TMPRSS7: variants seen among roughly 807,000 people sequenced by gnomAD.
The protein encoded by TMPRSS7 is transmembrane serine protease 7, also known as transmembrane protease serine 7.
In TMPRSS7, 81 loss-of-function variants were observed where a neutral mutation model predicts 95.6. The observed-to-expected ratio is 0.85, with a 90% confidence interval of 0.71 to 1.02. The LOEUF (loss-of-function observed/expected upper bound fraction) is 1.02, where lower values mean the gene tolerates loss of function less well. Ranked by LOEUF, TMPRSS7 falls within the 50% of genes least tolerant of loss-of-function variation. TMPRSS7 has a pLI of 0.00. For missense variants in TMPRSS7, 945 were observed against 955.2 expected (o/e 0.99, Z 0.14); for synonymous variants, 364 against 337.8 (o/e 1.08, Z -0.85).
At chr3:112,072,758 G>T (rs2073666333) in intron 13 of TMPRSS7, among the ~76,000 whole-genome samples, 1 of 152,270 alleles carries the variant, frequency 6.6e-6, no homozygotes, top group Non-Finnish European at 1.5e-5. Flanking sequence ...AGGCTCTGTG[G>T]ACGTGGGACC....
chr3:112,066,235 A>G (rs2073573268), intron 12 of TMPRSS7, among the ~76,000 whole-genome samples, 157 bp from the exon 13 acceptor site: 1 of 152,180 alleles, frequency 6.6e-6, no homozygotes, highest in Non-Finnish European at 1.5e-5. Flanking sequence ...TTAAACACCT[A>G]CTTTTCCTCA....
intron 10 of TMPRSS7, among the ~76,000 whole-genome samples, chr3:112,060,421 C>G (rs935977797): frequency 6.6e-6 from 1 of 152,174 alleles, no homozygotes; most frequent in Non-Finnish European, 1.5e-5. Flanking sequence ...TATTTCATCC[C>G]TACAGTCTCG....
At chr3:112,074,485 C>T in intron 14 of TMPRSS7, 73 bp downstream of exon 14, 2 of 1,158,092 alleles carry the variant, frequency 1.7e-6, no homozygotes, top group Middle Eastern at 2.0e-4. Flanking sequence ...TTTTCATTCC[C>T]TTCTTGGTGT....
chr3:112,054,360 T>C (rs200571113), intron 9 of TMPRSS7, among the ~76,000 whole-genome samples: 3 of 152,330 alleles, frequency 2.0e-5, no homozygotes, highest in East Asian at 1.9e-4. Flanking sequence ...ACAGAACATA[T>C]AATAGTGGAC....
At chr3:112,079,429 C>T (rs1439685959) in intron 17 of TMPRSS7, among the ~76,000 whole-genome samples, 1 of 152,224 alleles carries the variant, frequency 6.6e-6, no homozygotes, top group African/African-American at 2.4e-5. Context: ...TTAGAGCAAA[C>T]TTGTCCAACC....
At chr3:112,065,401 A>C (rs967186005) in intron 12 of TMPRSS7, among the ~76,000 whole-genome samples, 2 of 152,344 alleles carry the variant, frequency 1.3e-5, no homozygotes, top group South Asian at 4.1e-4. Flanking sequence ...CTTATGGTTC[A>C]TTGATTATTT....
intron 3 of TMPRSS7, among the ~76,000 whole-genome samples, chr3:112,042,486 C>G (rs1305365861): frequency 2.0e-5 from 3 of 152,110 alleles, no homozygotes; most frequent in Non-Finnish European, 4.4e-5. Context: ...TAAAAATTAG[C>G]AAAATTCAGA....
intron 1 of TMPRSS7, among the ~76,000 whole-genome samples, chr3:112,035,575 A>G (rs899674747): frequency 1.3e-5 from 2 of 151,896 alleles, no homozygotes; most frequent in Non-Finnish European, 2.9e-5. Context: ...GAAGGAGAGA[A>G]CTCTTAAGGA....
intron 2 of TMPRSS7, among the ~76,000 whole-genome samples, chr3:112,040,167 G>A (rs1238521503): frequency 2.0e-5 from 3 of 152,150 alleles, no homozygotes; most frequent in African/African-American, 7.2e-5. Flanking sequence ...AAGGAATACT[G>A]TCTTGAACGG....
At chr3:112,036,413 A>G (rs902978969) in intron 1 of TMPRSS7, among the ~76,000 whole-genome samples, 1 of 152,096 alleles carries the variant, frequency 6.6e-6, no homozygotes, top group Admixed American at 6.5e-5. Flanking sequence ...TACTACAAAT[A>G]CAGAATTAGC....
chr3:112,050,876 G>A (rs1340913544), intron 9 of TMPRSS7, 93 bp downstream of exon 9: 2 of 614,974 alleles, frequency 3.3e-6, no homozygotes, highest in East Asian at 3.1e-5. Context: ...AAAGAATATT[G>A]CTTAATTTTA....
At chr3:112,071,808 A>C (rs1019687335) in intron 13 of TMPRSS7, among the ~76,000 whole-genome samples, 4 of 152,128 alleles carry the variant, frequency 2.6e-5, no homozygotes, top group African/African-American at 9.7e-5. Context: ...AGGTCATTTA[A>C]GGTCTTTTCT....
intron 14 of TMPRSS7, 139 bp from the exon 15 acceptor site, chr3:112,075,182 A>T: frequency 1.3e-6 from 1 of 776,648 alleles, no homozygotes; most frequent in Non-Finnish European, 1.8e-6. Context: ...AGACAGACTC[A>T]CATGTTCTCT....
chr3:112,049,114 C>T (rs2073314751), intron 7 of TMPRSS7, among the ~76,000 whole-genome samples: 1 of 152,210 alleles, frequency 6.6e-6, no homozygotes, highest in Non-Finnish European at 1.5e-5. Flanking sequence ...GGGGGTCAAG[C>T]CCGGGCCATT....
At chr3:112,035,698 T>C (rs992541256) in intron 1 of TMPRSS7, among the ~76,000 whole-genome samples, 1 of 152,232 alleles carries the variant, frequency 6.6e-6, no homozygotes, top group Non-Finnish European at 1.5e-5. Context: ...CTGACTTGTA[T>C]AAATCTCTCC....
chr3:112,074,952 A>G (rs1245196018), intron 14 of TMPRSS7, among the ~76,000 whole-genome samples: 1 of 152,212 alleles, frequency 6.6e-6, no homozygotes, highest in African/African-American at 2.4e-5. Context: ...GGTCTTATAA[A>G]TCTTTTCCCC....
chr3:112,041,978 T>G, exon 3 of TMPRSS7: 1 of 1,551,572 alleles, frequency 6.4e-7, no homozygotes, highest in Non-Finnish European at 8.7e-7. Context: ...TCACCAACAT[T>G]GAGTTTCTTC....
chr3:112,039,439 G>A (rs749498352), intron 2 of TMPRSS7, among the ~76,000 whole-genome samples: 3 of 152,180 alleles, frequency 2.0e-5, no homozygotes, highest in Non-Finnish European at 2.9e-5. Flanking sequence ...ATGTCTTTTT[G>A]TATATTAACA....
At chr3:112,055,465 A>C (rs1169811524) in intron 9 of TMPRSS7, among the ~76,000 whole-genome samples, 1 of 151,166 alleles carries the variant, frequency 6.6e-6, no homozygotes, top group African/African-American at 2.4e-5. Context: ...ACACACACAC[A>C]GACACACACA....
Sources: allele counts gnomAD v4.1 joint callset (sites outside exome capture counted in the v4.1 genomes callset), GRCh38; gene constraint gnomAD v4.1.1; transcripts MANE v1.5; gene names NCBI Gene and HGNC (gene_info 2026-07-23, HGNC 2026-07-21).